Variants in SNRPN observed in about 807,000 individuals in gnomAD.
The protein encoded by SNRPN is small nuclear ribonucleoprotein polypeptide N.
A neutral mutation model predicts 25.2 loss-of-function variants in SNRPN; 7 were observed. The ratio of observed to expected loss-of-function variants is 0.28; its 90% CI spans 0.16 to 0.52. The LOEUF is 0.52. SNRPN is among the 20% of genes least tolerant of loss of function. The pLI is 0.96. For synonymous variants in SNRPN, 124 were observed against 110.6 expected (o/e 1.12, Z -0.76); for missense variants, 196 against 322.5 (o/e 0.61, Z 3.00).
intron 1 of SNRPN, among the ~76,000 whole-genome samples, chr15:24,826,369 A>C (rs1595307288): frequency 6.6e-6 from 1 of 152,122 alleles, no homozygotes; most frequent in Non-Finnish European, 1.5e-5. Flanking sequence ...TTGAAGCAAT[A>C]ACATGAGGAA....
intron 1 of SNRPN, among the ~76,000 whole-genome samples, chr15:24,879,649 A>C (rs1034784001): frequency 3.4e-4 from 52 of 152,338 alleles, no homozygotes; most frequent in African/African-American, 1.1e-3. Context: ...GCTGGAATGA[A>C]CAACATCACA....
At chr15:24,909,335 AG>A in intron 2 of SNRPN, 1 of 1,603,136 alleles carries the variant, frequency 6.2e-7, no homozygotes, top group Non-Finnish European at 8.5e-7. Context: ...AGCTCCCTTC[AG>A]GGCACCAAAA....
At chr15:24,887,944 T>C (rs1223976726) in intron 2 of SNRPN, among the ~76,000 whole-genome samples, 1 of 152,048 alleles carries the variant, frequency 6.6e-6, no homozygotes, top group African/African-American at 2.4e-5. Flanking sequence ...CATAGGACAG[T>C]AGAGAAAGTA....
At chr15:24,914,981 G>T (rs1253317638) in intron 2 of SNRPN, among the ~76,000 whole-genome samples, 3 of 152,034 alleles carry the variant, frequency 2.0e-5, no homozygotes, top group Non-Finnish European at 4.4e-5. Flanking sequence ...GGATAAGGGG[G>T]ATTCTGGCTA....
intron 1 of SNRPN, among the ~76,000 whole-genome samples, chr15:24,858,818 T>G (rs1195309524): frequency 6.6e-6 from 1 of 152,074 alleles, no homozygotes; most frequent in Non-Finnish European, 1.5e-5. Context: ...GAGGCTTCTC[T>G]TCAAATAGCC....
At chr15:24,935,094 A>G (rs1240303082) in intron 3 of SNRPN, among the ~76,000 whole-genome samples, 1 of 152,048 alleles carries the variant, frequency 6.6e-6, no homozygotes, top group African/African-American at 2.4e-5. Context: ...CAACACAGTC[A>G]AACCCCATCT....
At chr15:24,881,600 AGAGAGAGAGAGAGAGAGAG>A (rs1163084960) in intron 1 of SNRPN, among the ~76,000 whole-genome samples, 9,008 of 77,446 alleles carry the variant, frequency 0.12, 476 homozygotes, top group East Asian at 0.33. Context: ...AGAGAGAGAG[AGAGAGAGAGAGAGAGAGAG>A]AAAGTCACAG....
intron 2 of SNRPN, among the ~76,000 whole-genome samples, chr15:24,831,661 A>T (rs56163145): frequency 0.038 from 5,765 of 152,008 alleles, 363 homozygotes; most frequent in African/African-American, 0.12. Context: ...AGTACTCACC[A>T]TTCTACTTTG....
At chr15:24,858,591 T>G (rs1254493336) in intron 1 of SNRPN, among the ~76,000 whole-genome samples, 1 of 151,904 alleles carries the variant, frequency 6.6e-6, no homozygotes, top group Non-Finnish European at 1.5e-5. Flanking sequence ...GGCCAGGAGT[T>G]TGATACTAGC....
intron 1 of SNRPN, among the ~76,000 whole-genome samples, chr15:24,883,828 A>T (rs2056951770): frequency 6.6e-6 from 1 of 151,744 alleles, no homozygotes; most frequent in Admixed American, 6.6e-5. Context: ...CCTGGCCAAC[A>T]TGGTGAAACC....
intron 2 of SNRPN, among the ~76,000 whole-genome samples, chr15:24,830,997 ATCTG>A (rs2050467249): frequency 6.6e-6 from 1 of 151,926 alleles, no homozygotes; most frequent in Admixed American, 6.6e-5. Flanking sequence ...TGCTTGGTGG[ATCTG>A]TCTATTTCTG....
At chr15:24,887,868 G>A (rs1027353142) in intron 2 of SNRPN, among the ~76,000 whole-genome samples, 6 of 151,950 alleles carry the variant, frequency 3.9e-5, no homozygotes, top group Admixed American at 6.6e-5. Context: ...AAAGAGTGAG[G>A]ATGGAGTCAG....
At chr15:24,862,835 A>G (rs1479402211) in intron 1 of SNRPN, among the ~76,000 whole-genome samples, 2 of 150,702 alleles carry the variant, frequency 1.3e-5, no homozygotes, top group African/African-American at 5.0e-5. Context: ...TAAAGGGAAG[A>G]GGAAACAGTG....
intron 2 of SNRPN, among the ~76,000 whole-genome samples, chr15:24,835,744 C>G (rs1019671548): frequency 1.3e-5 from 2 of 152,106 alleles, no homozygotes; most frequent in Non-Finnish European, 2.9e-5. Flanking sequence ...GAAGAAAGGT[C>G]CAGAACCTAT....
chr15:24,972,298 C>T (rs1425860092), intron 3 of SNRPN, among the ~76,000 whole-genome samples: 1 of 151,106 alleles, frequency 6.6e-6, no homozygotes, highest in Non-Finnish European at 1.5e-5. Flanking sequence ...TCTCATATAC[C>T]ATGTTTTCTT....
chr15:24,826,819 C>T (rs1498305), intron 1 of SNRPN, among the ~76,000 whole-genome samples: 121,355 of 151,912 alleles, frequency 0.8, 49,115 homozygotes, highest in East Asian at 0.91. Flanking sequence ...CACGCATTGA[C>T]TAATGGCAAA....
At chr15:24,918,650 GCA>G (rs1274047404) in intron 2 of SNRPN, among the ~76,000 whole-genome samples, 2 of 88,544 alleles carry the variant, frequency 2.3e-5, no homozygotes, top group African/African-American at 4.8e-5. Flanking sequence ...ATATATGTGT[GCA>G]TATATATAAC....
At chr15:24,888,747 G>A (rs1407436305) in intron 2 of SNRPN, among the ~76,000 whole-genome samples, 4 of 152,062 alleles carry the variant, frequency 2.6e-5, no homozygotes, top group Non-Finnish European at 5.9e-5. Flanking sequence ...ATTGGAGCCT[G>A]GCACAATTAA....
At chr15:24,945,343 T>TAAAAA (rs11422448) in intron 3 of SNRPN, among the ~76,000 whole-genome samples, 4 of 83,728 alleles carry the variant, frequency 4.8e-5, no homozygotes, top group African/African-American at 9.9e-5. Flanking sequence ...ACCCACCATG[T>TAAAAA]AAAAAAAAAA....
Sources: allele counts gnomAD v4.1 joint callset (sites outside exome capture counted in the v4.1 genomes callset), GRCh38; gene constraint gnomAD v4.1.1; transcripts MANE v1.5; gene names NCBI Gene and HGNC (gene_info 2026-07-23, HGNC 2026-07-21).